CDKL5: variants seen among roughly 807,000 people sequenced by gnomAD.
CDKL5 encodes cyclin-dependent kinase-like 5.
Under a neutral mutation model 61.7 loss-of-function variants are expected in CDKL5, and 8 were observed. The observed-to-expected ratio is 0.13, with a 90% CI of 0.08 to 0.23. The LOEUF is 0.23. Ranked by LOEUF, CDKL5 falls within the 10% of genes least tolerant of loss-of-function variation. CDKL5 has a pLI of 1.00. For missense variants in CDKL5, 440 were observed against 734.5 expected, an observed-to-expected ratio of 0.60 and a Z score of 4.63; for synonymous variants, 275 against 272.3, an observed-to-expected ratio of 1.01 and a Z score of -0.10.
intron 3 of CDKL5, chrX:18,535,695 A>G (rs759501910): frequency 3.2e-5 from 5 of 157,329 alleles, no homozygotes; most frequent in Non-Finnish European, 6.8e-5. Flanking sequence ...CACCTTCATC[A>G]TCTTCATGCT....
chrX:18,552,643 G>A (rs762560866), intron 3 of CDKL5, among the ~76,000 whole-genome samples: 142 of 111,842 alleles, frequency 1.3e-3, no homozygotes, highest in African/African-American at 4.3e-3. Context: ...GGCGCTTGCT[G>A]AGAGAACACC....
At position 18,619,977 on chromosome X, in the gene CDKL5, G is replaced by T. The variant is rs1188189985; in HGVS notation, c.2376+11G>T. On this transcript the variant is annotated intron_variant, in intron 16 of 17. Coordinates refer to ENST00000623535, the MANE Select transcript of CDKL5 (RefSeq NM_001323289.2). ...AAGAAATCTCAAACAGTAAGTAGAT[G>T]ACCAGTTTCTATATATAATAACATG... 2.0e-6 allele frequency: 2 copies of T among 1,011,812 alleles called. No homozygotes were observed. The highest frequency in any genetic ancestry group is 2.8e-6 in the Non-Finnish European group (2 of 717,539). 83.4% of individuals were successfully genotyped at this position (1,011,812 alleles called of 1,213,427 possible).
intron 9 of CDKL5, among the ~76,000 whole-genome samples, chrX:18,593,170 AT>A (rs1397151972): frequency 8.9e-6 from 1 of 111,941 alleles, no homozygotes; most frequent in Non-Finnish European, 1.9e-5. Flanking sequence ...ATTGTATTGG[AT>A]TGGCCAAGTG....
At chrX:18,466,449 A>T (rs1920962031) in intron 1 of CDKL5, among the ~76,000 whole-genome samples, 1 of 111,933 alleles carries the variant, frequency 8.9e-6, no homozygotes. Flanking sequence ...ACTTATCAGT[A>T]GTTTAAAAAA....
At chrX:18,541,269 C>G (rs1924012991) in intron 3 of CDKL5, among the ~76,000 whole-genome samples, 1 of 111,829 alleles carries the variant, frequency 8.9e-6, no homozygotes, top group African/African-American at 3.3e-5. Flanking sequence ...TTCAGCTCTA[C>G]TCTGTTTGTC....
At chrX:18,570,429 T>C (rs901332024) in intron 4 of CDKL5, among the ~76,000 whole-genome samples, 8 of 111,855 alleles carry the variant, frequency 7.2e-5, no homozygotes, top group Non-Finnish European at 5.6e-5. Flanking sequence ...TCCTCATCTT[T>C]CTTGGTGTAT....
Position 18,625,258 on chromosome X carries a change from C to T in CDKL5, c.2496+11C>T. 3 of 1,207,295 alleles carry T rather than the reference C, an allele frequency of 2.5e-6. No homozygotes were observed. The highest frequency in any genetic ancestry group is 3.4e-6 in the Non-Finnish European group (3 of 893,371). On this transcript the variant is annotated intron_variant, in intron 17 of 17. Coordinates refer to ENST00000623535, the MANE Select transcript of CDKL5 (RefSeq NM_001323289.2). Reference sequence around the variant, plus strand: ...GATCTGCAGACCCAAGTGAGTGGATCCTGCACCACTGCTAGACTCTCCAAC... The same window carrying T: ...GATCTGCAGACCCAAGTGAGTGGATTCTGCACCACTGCTAGACTCTCCAAC...
At chrX:18,450,688 C>A (rs1399913287) in intron 1 of CDKL5, among the ~76,000 whole-genome samples, 1 of 111,078 alleles carries the variant, frequency 9.0e-6, no homozygotes, top group African/African-American at 3.3e-5. Flanking sequence ...AATTCTCCTG[C>A]CTCAGCCTCC....
chrX:18,526,167 G>C (rs1288700275), intron 3 of CDKL5, among the ~76,000 whole-genome samples: 1 of 112,343 alleles, frequency 8.9e-6, no homozygotes, highest in Non-Finnish European at 1.9e-5. Context: ...ATTTTGTTAG[G>C]TTTATACCTT....
intron 1 of CDKL5, among the ~76,000 whole-genome samples, chrX:18,456,578 A>T (rs180761776): frequency 6.3e-5 from 7 of 111,850 alleles, no homozygotes; most frequent in Non-Finnish European, 9.4e-5. Context: ...GTACAGTGGG[A>T]ATATATGAGG....
chrX:18,548,097 G>C (rs759688953), intron 3 of CDKL5, among the ~76,000 whole-genome samples: 1 of 109,168 alleles, frequency 9.2e-6, no homozygotes, highest in African/African-American at 3.3e-5. Flanking sequence ...AAAGAAAGTA[G>C]AGGAAAGGGA....
intron 12 of CDKL5, among the ~76,000 whole-genome samples, chrX:18,606,795 G>A (rs764207872): frequency 8.9e-6 from 1 of 112,246 alleles, no homozygotes; most frequent in South Asian, 3.7e-4. Context: ...AATTTGGAGT[G>A]GCTTTTGCAA....
Position 18,630,134 on chromosome X carries a change from AT to A in CDKL5, c.*1384del. On this transcript the variant is annotated 3_prime_UTR_variant, in exon 18 of 18. Transcript: ENST00000623535. ...AGATAGATAAAAAATTACTCTATCC[AT>A]TTTTTTCTTCCTGGGGCTGTCCACT... 1 of 753,484 alleles carries A rather than the reference AT, an allele frequency of 1.3e-6. No homozygotes were observed. Among genetic ancestry groups the A allele is most frequent in the Non-Finnish European group, 1.6e-6 (1 of 639,036 alleles). The allele number at this position is 753,484 out of a possible 1,213,427, so 62.1% of individuals were successfully genotyped here. A position where few individuals can be genotyped will look rare whatever the true frequency, so the allele number is the denominator to read the frequency against.
intron 1 of CDKL5, among the ~76,000 whole-genome samples, chrX:18,490,925 A>G (rs1332929850): frequency 1.8e-5 from 2 of 112,284 alleles, no homozygotes; most frequent in East Asian, 5.6e-4. Flanking sequence ...TACATTTGGA[A>G]AACATCCCAG....
chrX:18,571,672 G>A (rs1327291026), intron 4 of CDKL5, among the ~76,000 whole-genome samples: 2 of 111,347 alleles, frequency 1.8e-5, no homozygotes, highest in Non-Finnish European at 3.8e-5. Flanking sequence ...TGATAATTTA[G>A]TTGACAGTTT....
At chrX:18,553,145 A>G (rs1924458013) in intron 3 of CDKL5, among the ~76,000 whole-genome samples, 1 of 111,144 alleles carries the variant, frequency 9.0e-6, no homozygotes, top group African/African-American at 3.3e-5. Context: ...ACTTAGTGAT[A>G]GACTGGATGG....
chrX:18,588,150 G>A lies in CDKL5; in HGVS notation c.744+7G>A. 1.7e-6 allele frequency: 2 copies of A among 1,201,862 alleles called. No homozygotes were observed. Among genetic ancestry groups the A allele is most frequent in the South Asian group, 1.8e-5 (1 of 56,717 alleles). On this transcript the variant is annotated splice_region_variant and intron_variant, in intron 9 of 17. Coordinates refer to ENST00000623535, the MANE Select transcript of CDKL5 (RefSeq NM_001323289.2). ...TCGCTTCCATGGGCTCCGGGTAAGA[G>A]GTTTTGCTGAAACCCAAAATGGAAT... is the stretch of plus-strand genomic sequence containing the variant.
chrX:18,435,795 G>T (rs758314566), intron 1 of CDKL5, among the ~76,000 whole-genome samples: 2 of 111,168 alleles, frequency 1.8e-5, no homozygotes, highest in African/African-American at 6.6e-5. Context: ...TCGAACTCCT[G>T]ACCTCAAGAG....
chrX:18,642,195 G>A (rs779726213), downstream of CDKL5: 1 of 1,173,445 alleles, frequency 8.5e-7, no homozygotes, highest in Non-Finnish European at 1.2e-6. Context: ...ATCACATCGG[G>A]GAGGGAAAAG....
Sources: allele counts gnomAD v4.1 joint callset (sites outside exome capture counted in the v4.1 genomes callset), GRCh38; gene constraint gnomAD v4.1.1; transcripts MANE v1.5; gene names NCBI Gene and HGNC (gene_info 2026-07-23, HGNC 2026-07-21).